BTD: variants seen among roughly 807,000 people sequenced by gnomAD.
The protein encoded by BTD is biocytinase.
A neutral mutation model predicts 17.7 loss-of-function variants in BTD; 13 were observed. The ratio of observed to expected loss-of-function variants is 0.74; its 90% CI spans 0.48 to 1.17. The LOEUF (loss-of-function observed/expected upper bound fraction) is 1.17. Among genes scored for constraint, BTD ranks in the 50% most tolerant of loss-of-function variants. BTD has a pLI of 0.00. For missense variants in BTD, 674 were observed against 650.4 expected (o/e 1.04, Z -0.39); for synonymous variants, 240 against 245.2 (o/e 0.98, Z 0.20).
rs76108625 is a variant in BTD, at chr3:15,610,653, T to C, written c.-17+8759T>C. On this transcript the variant is annotated intron_variant, in intron 1 of 3. Coordinates refer to ENST00000643237, the MANE Select transcript of BTD (RefSeq NM_001370658.1). The stretch of plus-strand genomic sequence containing the variant: ...CTATCCTAACACCAATCCCACACTA[T>C]CTTAATTTCTGTGTTTTTAAAATAA... Among the ~76,000 whole-genome samples, 1,001 of 152,336 alleles carry C rather than the reference T, an allele frequency of 6.6e-3. 7 individuals carry two copies. The highest frequency in any genetic ancestry group is 0.023 in the African/African-American group (950 of 41,576).
chr3:15,629,008 C>T lies in BTD; in HGVS notation c.-16-6416C>T, dbSNP rs73150108. Among the ~76,000 whole-genome samples, 750 of 152,238 alleles carry T rather than the reference C, an allele frequency of 4.9e-3. 6 individuals are homozygous for T. Among genetic ancestry groups the T allele is most frequent in the African/African-American group, 0.016 (685 of 41,540 alleles). On this transcript the variant is annotated intron_variant, in intron 1 of 3. Coordinates refer to ENST00000643237, the MANE Select transcript of BTD (RefSeq NM_001370658.1). ...CTAAGACAAGCACTGAGTCCTTTAA[C>T]TGACCTGCATCAAATTGTTTAGGGG...
At chr3:15,687,566 G>A (rs183602525) in intron 3 of BTD, among the ~76,000 whole-genome samples, 65 of 152,182 alleles carry the variant, frequency 4.3e-4, no homozygotes, top group Middle Eastern at 6.8e-3. Flanking sequence ...AGAAAAGAAC[G>A]TCTATCACTA....
In BTD at chr3:15,645,195, C is replaced by G. The variant is rs397514418; in HGVS notation, c.1279C>G (p.His427Asp). 1 of 1,614,076 alleles carries G rather than the reference C, an allele frequency of 6.2e-7. No homozygotes were observed. Reference sequence around the variant, plus strand: ...TGCCCTGGGGGTCTTTGATGGGCTTCACACAGTACATGGCACTTACTACAT... The same window carrying G: ...TGCCCTGGGGGTCTTTGATGGGCTTGACACAGTACATGGCACTTACTACAT... ...LYALGVFDGLHTVHGTYYIQV... is the reference protein window; with the variant it reads ...LYALGVFDGLDTVHGTYYIQV... The change falls in exon 4 of 4, where the codon CAC (histidine) becomes GAC (aspartate). Residue 427 changes from histidine (H) to aspartate (D), a missense_variant. Coordinates refer to ENST00000643237, the MANE Select transcript of BTD (RefSeq NM_001370658.1).
At chr3:15,675,865 A>G (rs753538744) in intron 3 of BTD, 4 of 1,500,570 alleles carry the variant, frequency 2.7e-6, no homozygotes, top group Non-Finnish European at 3.6e-6. Context: ...TAAAAGCTCT[A>G]GGTTAAGGGA....
At chr3:15,601,999 T>TGCCGGGAGCTGGGAA (rs1216500126) in intron 1 of BTD, 105 bp downstream of exon 1, 32 of 1,542,196 alleles carry the variant, frequency 2.1e-5, no homozygotes, top group Non-Finnish European at 2.7e-5. Flanking sequence ...GCGCAAAGGC[T>TGCCGGGAGCTGGGAA]GCCGGGAGCT....
chr3:15,612,881 G>A (rs1208751401), intron 1 of BTD, among the ~76,000 whole-genome samples: 1 of 152,122 alleles, frequency 6.6e-6, no homozygotes, highest in Non-Finnish European at 1.5e-5. Context: ...CTGACCTCAT[G>A]GTCTCATCTG....
intron 3 of BTD, among the ~76,000 whole-genome samples, chr3:15,696,925 T>A (rs1024568384): frequency 2.0e-5 from 3 of 152,192 alleles, no homozygotes; most frequent in Non-Finnish European, 2.9e-5. Flanking sequence ...GATCCAGCAA[T>A]CCCATTACTG....
chr3:15,655,385 T>G (rs1358147896), downstream of BTD, among the ~76,000 whole-genome samples: 1 of 152,220 alleles, frequency 6.6e-6, no homozygotes, highest in Non-Finnish European at 1.5e-5. Context: ...GTTTTGCAAT[T>G]AATACCACAA....
intron 4 of BTD, among the ~76,000 whole-genome samples, chr3:15,719,791 G>A (rs913314862): frequency 6.6e-6 from 1 of 152,074 alleles, no homozygotes; most frequent in South Asian, 2.1e-4. Context: ...CTGGCCTCAA[G>A]TGATCTTCTC....
At chr3:15,623,524 C>T (rs182861643) in intron 1 of BTD, among the ~76,000 whole-genome samples, 1 of 152,214 alleles carries the variant, frequency 6.6e-6, no homozygotes, top group East Asian at 1.9e-4. Context: ...TTTAATTGAA[C>T]ATTTTATGTG....
At position 15,644,504 on chromosome 3, in the gene BTD, C is replaced by CA. The variant is rs1402588228; in HGVS notation, c.588_589insA (p.Phe197IlefsTer2). Reference sequence around the variant, plus strand: ...ACCGCTACCGTAAACACAACCTCTACTTTGAGGCAGCATTCGATGTTCCTC... The same window carrying CA: ...ACCGCTACCGTAAACACAACCTCTACATTTGAGGCAGCATTCGATGTTCCTC... On this transcript the variant is annotated frameshift_variant, in exon 4 of 4. Transcript: ENST00000643237. LOFTEE classifies it low-confidence loss of function (END_TRUNC). 1 of 1,614,184 alleles carries CA rather than the reference C, an allele frequency of 6.2e-7. No homozygotes were observed. The highest frequency in any genetic ancestry group is 1.3e-5 in the African/African-American group (1 of 75,034).
chr3:15,697,176 A>C (rs1372984336), intron 3 of BTD: 1 of 152,226 alleles, frequency 6.6e-6, no homozygotes, highest in African/African-American at 2.4e-5. Flanking sequence ...TTCTAAGTGA[A>C]GCAATTCAGG....
chr3:15,644,298 C>T lies in BTD; in HGVS notation c.400-18C>T, dbSNP rs1052693509. ...TACAGGCAAAAACCTCATTTATTTA[C>T]ACCTTTTTTTCCTCTAGGTGCTCCA... is the stretch of plus-strand genomic sequence containing the variant. On this transcript the variant is annotated intron_variant, in intron 3 of 3. Coordinates refer to ENST00000643237, the MANE Select transcript of BTD (RefSeq NM_001370658.1). 7 of 1,609,522 alleles carry T rather than the reference C, an allele frequency of 4.3e-6. No individual in the cohort carries two copies. The highest frequency in any genetic ancestry group is 4.2e-6 in the Non-Finnish European group (5 of 1,177,504).
At chr3:15,664,004 C>T (rs1190229624) in intron 3 of BTD, among the ~76,000 whole-genome samples, 1 of 152,188 alleles carries the variant, frequency 6.6e-6, no homozygotes, top group Non-Finnish European at 1.5e-5. Context: ...CAGGTTCAAG[C>T]AATTCTCCTG....
At chr3:15,705,397 T>G (rs970131026) in intron 3 of BTD, among the ~76,000 whole-genome samples, 18 of 152,128 alleles carry the variant, frequency 1.2e-4, no homozygotes, top group African/African-American at 1.7e-4. Flanking sequence ...AATCTTTTTT[T>G]GGGGGAAGGA....
intron 3 of BTD, chr3:15,679,283 A>G: frequency 6.2e-7 from 1 of 1,611,312 alleles, no homozygotes; most frequent in Non-Finnish European, 8.5e-7. Context: ...ACTATTTAAT[A>G]CATAGTTGAA....
intron 1 of BTD, among the ~76,000 whole-genome samples, chr3:15,615,699 G>C (rs549617999): frequency 1.2e-4 from 18 of 152,318 alleles, no homozygotes; most frequent in African/African-American, 4.3e-4. Flanking sequence ...AGCCTTCCCT[G>C]TTATCAATAT....
chr3:15,627,703 AG>A (rs1376132251), intron 1 of BTD, among the ~76,000 whole-genome samples: 1 of 152,120 alleles, frequency 6.6e-6, no homozygotes, highest in Non-Finnish European at 1.5e-5. Flanking sequence ...TATCCTATTA[AG>A]GGTTATTCTT....
downstream of BTD, among the ~76,000 whole-genome samples, chr3:15,713,148 G>C (rs973479683): frequency 3.3e-5 from 5 of 152,218 alleles, no homozygotes; most frequent in Non-Finnish European, 7.4e-5. Flanking sequence ...GCTTGGCACA[G>C]CACAGCCTGA....
Sources: gnomAD v4.1 joint callset for allele counts (sites outside exome capture counted in the v4.1 genomes callset) on GRCh38, gnomAD v4.1.1 for gene constraint, MANE v1.5 for transcripts, NCBI Gene and HGNC (gene_info 2026-07-23, HGNC 2026-07-21) for gene names.